The following CACNA2D3 variants were observed in gnomAD, a reference collection of about 807,000 sequenced individuals.
CACNA2D3 encodes the protein calcium voltage-gated channel auxiliary subunit alpha2delta 3.
In CACNA2D3, 60 loss-of-function variants were observed where a neutral mutation model predicts 160.6. That is an observed-to-expected ratio of 0.37 (90% CI 0.30 to 0.46). The LOEUF (loss-of-function observed/expected upper bound fraction) is 0.46, where lower values mean the gene tolerates loss of function less well. Ranked by LOEUF, CACNA2D3 falls within the 20% of genes least tolerant of loss-of-function variation. The pLI, the probability that CACNA2D3 is intolerant of heterozygous loss-of-function variation, is 1.00. For missense variants in CACNA2D3, 1,205 were observed against 1,365.0 expected, an observed-to-expected ratio of 0.88 and a Z score of 1.85; for synonymous variants, 558 against 492.9, an observed-to-expected ratio of 1.13 and a Z score of -1.75.
rs1703471894 is a variant in CACNA2D3 at position 54,816,931 on chromosome 3, A to G, written c.1398+61A>G. On this transcript the variant is annotated intron_variant, in intron 14 of 37. Transcript: ENST00000474759. ...GAACTCACGAGTCATGCATGCCTCCATGGTGTTGTACATTTGACACTGTTC... is the reference window on the plus strand; with the variant it reads ...GAACTCACGAGTCATGCATGCCTCCGTGGTGTTGTACATTTGACACTGTTC... 12 of 1,560,840 alleles carry G rather than the reference A, an allele frequency of 7.7e-6. No homozygotes were observed. The South Asian group carries it at 1.2e-4, about 16-fold the overall frequency.
At chr3:54,930,895 G>C (rs1382473907) in intron 27 of CACNA2D3, among the ~76,000 whole-genome samples, 1 of 152,132 alleles carries the variant, frequency 6.6e-6, no homozygotes, top group Admixed American at 6.5e-5. Flanking sequence ...ACAGGAGTTC[G>C]AGACCAGCCT....
intron 4 of CACNA2D3, among the ~76,000 whole-genome samples, chr3:54,433,706 C>T (rs1188637342): frequency 6.6e-6 from 1 of 152,180 alleles, no homozygotes; most frequent in Non-Finnish European, 1.5e-5. Flanking sequence ...CTCTGAGTTT[C>T]CTTGTTACTT....
At chr3:54,230,267 CTT>C (rs1345207031) in intron 2 of CACNA2D3, among the ~76,000 whole-genome samples, 1 of 151,154 alleles carries the variant, frequency 6.6e-6, no homozygotes, top group African/African-American at 2.4e-5. Flanking sequence ...TCATTTTTTT[CTT>C]TGTCTTGCCA....
chr3:54,920,775 C>A (rs1274254793), intron 27 of CACNA2D3, among the ~76,000 whole-genome samples: 1 of 152,168 alleles, frequency 6.6e-6, no homozygotes, highest in Non-Finnish European at 1.5e-5. Context: ...AGACCACCTG[C>A]CAGGGGGATG....
intron 2 of CACNA2D3, among the ~76,000 whole-genome samples, chr3:54,286,722 G>A (rs565392644): frequency 1.1e-4 from 17 of 152,256 alleles, no homozygotes; most frequent in Admixed American, 4.6e-4. Flanking sequence ...CAGACTAACC[G>A]GATCTCTCGG....
intron 11 of CACNA2D3, among the ~76,000 whole-genome samples, chr3:54,732,468 G>T (rs191785357): frequency 6.6e-6 from 1 of 152,226 alleles, no homozygotes; most frequent in Admixed American, 6.5e-5. Flanking sequence ...TTGAACTCTG[G>T]GTTAAGAATT....
rs151248727 is a variant in CACNA2D3, at chr3:54,918,836, G to T, written c.2449+18968G>T. 6.3e-7 allele frequency: 1 copy of T among 1,588,328 alleles called. No individual in the cohort carries two copies. Among genetic ancestry groups the T allele is most frequent in the Non-Finnish European group, 8.6e-7 (1 of 1,164,530 alleles). ...TACAGCTCATGAGGGATCCTAAGGAGGTCCTTTCCCTTCCAGGTGTCTGGT... is the reference window on the plus strand; with the variant it reads ...TACAGCTCATGAGGGATCCTAAGGATGTCCTTTCCCTTCCAGGTGTCTGGT... On this transcript the variant is annotated intron_variant, in intron 27 of 37. Transcript: ENST00000474759.
At chr3:54,250,547 C>T (rs564713206) in intron 2 of CACNA2D3, among the ~76,000 whole-genome samples, 1 of 152,142 alleles carries the variant, frequency 6.6e-6, no homozygotes, top group South Asian at 2.1e-4. Flanking sequence ...GATCCTCTCA[C>T]CTCACCCTCC....
At chr3:54,837,111 G>C in intron 14 of CACNA2D3, 48 bp from the exon 15 acceptor site, 2 of 1,552,158 alleles carry the variant, frequency 1.3e-6, no homozygotes, top group Non-Finnish European at 1.8e-6. Flanking sequence ...CTCCAGAACT[G>C]TGGTTTCCAG....
chr3:55,039,890 A>C (rs6777055), intron 35 of CACNA2D3, among the ~76,000 whole-genome samples: 27,531 of 152,174 alleles, frequency 0.18, 2,662 homozygotes, highest in Non-Finnish European at 0.19. Flanking sequence ...TCTACTTCCA[A>C]ATCAAAATTG....
intron 2 of CACNA2D3, among the ~76,000 whole-genome samples, chr3:54,217,322 C>T (rs1028864794): frequency 1.3e-5 from 2 of 152,162 alleles, no homozygotes; most frequent in Non-Finnish European, 2.9e-5. Context: ...AGTGTCCCTT[C>T]CCCTGGGTTC....
intron 35 of CACNA2D3, among the ~76,000 whole-genome samples, chr3:55,027,014 C>A (rs1397765445): frequency 2.0e-5 from 3 of 152,318 alleles, no homozygotes; most frequent in South Asian, 2.1e-4. Flanking sequence ...CACGCACACA[C>A]GCTGGTCCTA....
At chr3:54,686,538 G>T (rs1281876166) in intron 11 of CACNA2D3, among the ~76,000 whole-genome samples, 1 of 152,202 alleles carries the variant, frequency 6.6e-6, no homozygotes, top group East Asian at 1.9e-4. Context: ...CAGTGTAGTA[G>T]GTTTTAGATA....
chr3:54,891,752 G>GCC (rs1700074361), intron 25 of CACNA2D3, among the ~76,000 whole-genome samples: 1 of 152,198 alleles, frequency 6.6e-6, no homozygotes, highest in Non-Finnish European at 1.5e-5. Flanking sequence ...GCTGCTGGGG[G>GCC]AGCCGCCAGA....
chr3:54,334,641 C>G (rs537767485), intron 3 of CACNA2D3, among the ~76,000 whole-genome samples: 107 of 152,286 alleles, frequency 7.0e-4, no homozygotes, highest in Middle Eastern at 3.4e-3. Context: ...GGCTGGTTCC[C>G]TCAGACTAGC....
chr3:54,155,123 G>C (rs368276773), intron 2 of CACNA2D3, among the ~76,000 whole-genome samples: 1 of 152,190 alleles, frequency 6.6e-6, no homozygotes, highest in East Asian at 1.9e-4. Context: ...TCCTCTCTCT[G>C]TAAAATGGAA....
intron 27 of CACNA2D3, among the ~76,000 whole-genome samples, chr3:54,928,700 A>G (rs1383477762): frequency 2.3e-5 from 3 of 129,650 alleles, no homozygotes; most frequent in African/African-American, 8.9e-5. Flanking sequence ...TGCTGCCCCC[A>G]CACCCCACCC....
At chr3:54,461,378 A>C (rs1427782140) in intron 4 of CACNA2D3, among the ~76,000 whole-genome samples, 2 of 151,252 alleles carry the variant, frequency 1.3e-5, no homozygotes, top group East Asian at 3.9e-4. Context: ...TACCTCTGGT[A>C]GAATTCGGCT....
At chr3:54,558,683 T>C (rs1274166903) in intron 5 of CACNA2D3, among the ~76,000 whole-genome samples, 3 of 152,136 alleles carry the variant, frequency 2.0e-5, no homozygotes, top group Non-Finnish European at 4.4e-5. Context: ...AGTTTTCTGT[T>C]CCTCTGTTAA....
Sources: gnomAD v4.1 joint callset for allele counts (sites outside exome capture counted in the v4.1 genomes callset) on GRCh38, gnomAD v4.1.1 for gene constraint, MANE v1.5 for transcripts, NCBI Gene and HGNC (gene_info 2026-07-23, HGNC 2026-07-21) for gene names.